Variants in TMEM120B observed in about 807,000 individuals in gnomAD.
The protein encoded by TMEM120B is transmembrane protein 120B.
TMEM120B carries 31 observed loss-of-function variants against 55.5 expected under a neutral mutation model. The ratio of observed to expected loss-of-function variants is 0.56; its 90% confidence interval spans 0.42 to 0.75. The LOEUF (loss-of-function observed/expected upper bound fraction) is 0.75. Among genes scored for constraint, TMEM120B ranks in the 30% least tolerant of loss-of-function variants. The pLI, the probability that TMEM120B is intolerant of heterozygous loss-of-function variation, is 0.00. For missense variants in TMEM120B, 399 were observed against 425.5 expected (o/e 0.94, Z 0.55); for synonymous variants, 203 against 176.3 (o/e 1.15, Z -1.20).
rs1874332555 is a variant in TMEM120B at position 121,778,749 on chromosome 12, G to C, written c.*3027G>C. Reference sequence around the variant, plus strand: ...GGGGGGAACAGTCCACAGAAAACTTGCTCATGACCACACTGGGAGCCGACT... The same window carrying C: ...GGGGGGAACAGTCCACAGAAAACTTCCTCATGACCACACTGGGAGCCGACT... On this transcript the variant is annotated 3_prime_UTR_variant, in exon 12 of 12. Transcript: ENST00000449592. 1.3e-5 allele frequency: 2 copies of C among 152,264 alleles called. No individual in the cohort carries two copies. 9.4% of individuals were successfully genotyped at this position (152,264 alleles called of 1,614,324 possible).
rs1490169646 is a variant in TMEM120B at position 121,776,257 on chromosome 12, G to A, written c.*535G>A. On this transcript the variant is annotated 3_prime_UTR_variant, in exon 12 of 12. Transcript: ENST00000449592. ...TATTTTAAGTTCTCAGAGACCCACC[G>A]CGTCTGCCTCGTGCTCTTCTTGCCC... 3.3e-5 allele frequency: 4 copies of A among 122,950 alleles called. No homozygotes were observed. The highest frequency in any genetic ancestry group is 3.2e-4 in the Admixed American group (3 of 9,258). 7.6% of individuals were successfully genotyped at this position (122,950 alleles called of 1,614,324 possible). A position where few individuals can be genotyped will look rare whatever the true frequency, so the allele number is the denominator to read the frequency against.
intron 5 of TMEM120B, among the ~76,000 whole-genome samples, chr12:121,753,763 C>T (rs1445237363): frequency 6.6e-6 from 1 of 152,150 alleles, no homozygotes; most frequent in Non-Finnish European, 1.5e-5. Flanking sequence ...CTGGCTGTTA[C>T]TATGGGCAGG....
intron 5 of TMEM120B, among the ~76,000 whole-genome samples, chr12:121,756,743 AAC>A (rs925888574): frequency 1.3e-5 from 2 of 152,232 alleles, no homozygotes; most frequent in African/African-American, 4.8e-5. Context: ...GGTCACAGAC[AAC>A]AGTCACTCTC....
At chr12:121,714,581 G>A (rs993306246) in intron 1 of TMEM120B, among the ~76,000 whole-genome samples, 24 of 57,826 alleles carry the variant, frequency 4.2e-4, no homozygotes, top group South Asian at 1.5e-3. Context: ...TTTTTTTTTT[G>A]AGATAGAGTC....
intron 5 of TMEM120B, chr12:121,758,375 C>G (rs1410666040): frequency 2.0e-6 from 2 of 985,388 alleles, no homozygotes; most frequent in African/African-American, 1.7e-5. Context: ...GCCTTCAAAG[C>G]TGGATCGGCC....
intron 3 of TMEM120B, 67 bp downstream of exon 3, chr12:121,748,509 A>C (rs1873174737): frequency 1.9e-6 from 2 of 1,079,198 alleles, no homozygotes; most frequent in South Asian, 3.0e-5. Context: ...GCTGGTCCAT[A>C]TAACTCTCGC....
chr12:121,717,958 G>A (rs990324408), intron 1 of TMEM120B, among the ~76,000 whole-genome samples: 1 of 152,150 alleles, frequency 6.6e-6, no homozygotes, highest in Non-Finnish European at 1.5e-5. Context: ...ACCCAGCCGG[G>A]CATCTTTCTT....
In TMEM120B at chr12:121,729,000, C is replaced by T. The variant is rs145009206; in HGVS notation, c.70-14629C>T. Among the ~76,000 whole-genome samples the T allele has an allele frequency of 2.6e-3, 391 of 152,316 alleles. 3 individuals are homozygous for T. The highest frequency in any genetic ancestry group is 8.8e-3 in the African/African-American group (364 of 41,580). On this transcript the variant is annotated intron_variant, in intron 1 of 11. Transcript: ENST00000449592. ...TGAATTACCTGCTGGGTTGGGAGGC[C>T]GATGTTCTGACTGGCCAGGCCTGGG...
intron 3 of TMEM120B, among the ~76,000 whole-genome samples, chr12:121,749,916 A>C (rs556291926): frequency 3.3e-5 from 5 of 151,904 alleles, no homozygotes; most frequent in Middle Eastern, 3.4e-3. Flanking sequence ...AAAAAAAAAA[A>C]AAAACAAAAA....
At chr12:121,746,567 A>C (rs1027403644) in intron 2 of TMEM120B, among the ~76,000 whole-genome samples, 4 of 152,104 alleles carry the variant, frequency 2.6e-5, no homozygotes, top group Non-Finnish European at 5.9e-5. Flanking sequence ...TCATGGCCTC[A>C]AGTGATCCTC....
chr12:121,722,947 C>A (rs1309715850), intron 1 of TMEM120B, among the ~76,000 whole-genome samples: 1 of 150,204 alleles, frequency 6.7e-6, no homozygotes, highest in African/African-American at 2.4e-5. Flanking sequence ...CTCCCGGGTT[C>A]AAGCAATTCT....
intron 1 of TMEM120B, among the ~76,000 whole-genome samples, chr12:121,732,509 C>T (rs1025890093): frequency 1.5e-4 from 23 of 152,076 alleles, no homozygotes; most frequent in Middle Eastern, 3.2e-3. Flanking sequence ...GGAAGGCCCA[C>T]GGATTAACCA....
rs749450172 is a variant in TMEM120B, at chr12:121,712,937, G to A, written c.42G>A (p.Glu14=). The A allele has an allele frequency of 1.9e-6, 3 of 1,541,042 alleles. No individual in the cohort carries two copies. In the East Asian group the frequency reaches 8.0e-5, roughly 41 times the overall value. Residue 14 remains glutamate, a synonymous_variant, in exon 1 of 12, where the codon GAG becomes GAA. Coordinates refer to ENST00000449592, the MANE Select transcript of TMEM120B (RefSeq NM_001080825.2). ...QLERCEREWH[E]LEGEFQELQE... ...AGCGTTGCGAGCGCGAATGGCACGA[G>A]CTGGAGGGAGAATTTCAAGAACTGC...
At chr12:121,763,131 G>A (rs1393453838) in intron 6 of TMEM120B, among the ~76,000 whole-genome samples, 1 of 151,622 alleles carries the variant, frequency 6.6e-6, no homozygotes, top group African/African-American at 2.4e-5. Flanking sequence ...TTCCTTTTGG[G>A]GGTGGCCATT....
chr12:121,765,107 T>TTTTCTTTTC (rs901213214), intron 6 of TMEM120B, among the ~76,000 whole-genome samples: 2 of 150,972 alleles, frequency 1.3e-5, no homozygotes, highest in Non-Finnish European at 1.5e-5. Context: ...ACAGAGGTTT[T>TTTTCTTTTC]TTTCTTTTCT....
At chr12:121,719,706 T>A (rs535491283) in intron 1 of TMEM120B, among the ~76,000 whole-genome samples, 1 of 152,270 alleles carries the variant, frequency 6.6e-6, no homozygotes, top group African/African-American at 2.4e-5. Context: ...GCATTCTTTT[T>A]TTTTTGAGAC....
rs1310085412 is a variant in TMEM120B at position 121,770,926 on chromosome 12, T to C, written c.571T>C (p.Ser191Pro). 1 of 1,614,058 alleles carries C rather than the reference T, an allele frequency of 6.2e-7. No homozygotes were observed. The highest frequency in any genetic ancestry group is 8.5e-7 in the Non-Finnish European group (1 of 1,179,978). The change falls in exon 7 of 12, where the codon TCT becomes CCT. Residue 191 changes from serine (S) to proline (P), a missense_variant. This residue lies in a region of TMEM120B where 260 missense variants were observed against 303.9 expected (regional missense o/e 0.86). Coordinates refer to ENST00000449592, the MANE Select transcript of TMEM120B (RefSeq NM_001080825.2). ...NGSRIKGWWV[S>P]HHYVSTFLSG... ...CCCGAGAATTAAAGGCTGGTGGGTG[T>C]CTCACCACTACGTCTCCACATTCCT...
Position 121,761,730 on chromosome 12 carries a change from C to A in TMEM120B, c.543C>A (p.Asn181Lys), listed in dbSNP as rs61735145. 19 of 1,613,304 alleles carry A rather than the reference C, an allele frequency of 1.2e-5. No homozygotes were observed. The Admixed American group carries it at 3.2e-4, about 27-fold the overall frequency. ...LTIRESILIS[N>K]GSRIKGWWVS... ...TTCGGGAGAGCATTCTCATCAGCAA[C>A]GGCTCAAGGTACCTGGGCACCTGGC... The change falls in exon 6 of 12, where the codon AAC becomes AAA. Residue 181 changes from asparagine (N) to lysine (K), a missense_variant. Asn to Lys is a moderately conservative substitution (Grantham distance 94). Coordinates refer to ENST00000449592, the MANE Select transcript of TMEM120B (RefSeq NM_001080825.2).
chr12:121,762,698 T>C (rs1033252874), intron 6 of TMEM120B, among the ~76,000 whole-genome samples: 2 of 151,280 alleles, frequency 1.3e-5, no homozygotes, highest in Non-Finnish European at 2.9e-5. Flanking sequence ...GTGACAAGAG[T>C]GGGTGGGTGG....
Sources: allele counts gnomAD v4.1 joint callset (sites outside exome capture counted in the v4.1 genomes callset), GRCh38; gene constraint gnomAD v4.1.1; regional missense constraint gnomAD v4.1.1; transcripts MANE v1.5; gene names NCBI Gene and HGNC (gene_info 2026-07-23, HGNC 2026-07-21).